B3GALT1: variants seen among roughly 807,000 people sequenced by gnomAD.
B3GALT1 encodes beta-1,3-galactosyltransferase 1.
In B3GALT1, 10 loss-of-function variants were observed where a neutral mutation model predicts 23.2. The observed-to-expected ratio is 0.43, with a 90% CI of 0.27 to 0.73. The LOEUF (loss-of-function observed/expected upper bound fraction) is 0.73, where lower values mean the gene tolerates loss of function less well. Ranked by LOEUF, B3GALT1 falls within the 30% of genes least tolerant of loss-of-function variation. The probability of loss-of-function intolerance (pLI) is 0.21; values close to 1 mark genes in which losing one functional copy is unlikely to be tolerated. For missense variants in B3GALT1, 299 were observed against 405.4 expected (o/e 0.74, Z 2.25); for synonymous variants, 156 against 141.5 (o/e 1.10, Z -0.73).
chr2:167,375,404 G>A (rs970664285), intron 1 of B3GALT1, among the ~76,000 whole-genome samples: 2 of 152,064 alleles, frequency 1.3e-5, no homozygotes, highest in Non-Finnish European at 2.9e-5. Context: ...GATAGGAATA[G>A]CGTTGAATCT....
At chr2:167,585,550 T>C (rs138153010) in intron 2 of B3GALT1, among the ~76,000 whole-genome samples, 301 of 152,302 alleles carry the variant, frequency 2.0e-3, no homozygotes, top group Non-Finnish European at 3.6e-3. Context: ...AAATGACAAA[T>C]CTAAGGATTT....
rs544712736 is a variant in B3GALT1, at chr2:167,505,007, G to A, written c.-410+14730G>A. ...TAAAAGAGAATCAGTGTATAGTTCTGTATGTATTGATATAGAGAGATCTAC... is the reference window on the plus strand; with the variant it reads ...TAAAAGAGAATCAGTGTATAGTTCTATATGTATTGATATAGAGAGATCTAC... On this transcript the variant is annotated intron_variant, in intron 2 of 4. Coordinates refer to ENST00000392690, the MANE Select transcript of B3GALT1 (RefSeq NM_020981.4). Among the ~76,000 whole-genome samples, 4 of 151,628 alleles carry A rather than the reference G, an allele frequency of 2.6e-5. No homozygotes were observed. In the South Asian group the frequency reaches 8.3e-4, roughly 32 times the overall value.
chr2:167,734,149 A>G (rs1439259138), intron 3 of B3GALT1, among the ~76,000 whole-genome samples: 2 of 152,206 alleles, frequency 1.3e-5, no homozygotes, highest in East Asian at 1.9e-4. Context: ...TTACAGGTCT[A>G]TAAAAAATAT....
At chr2:167,639,982 T>C (rs1423337526) in intron 2 of B3GALT1, among the ~76,000 whole-genome samples, 1 of 152,086 alleles carries the variant, frequency 6.6e-6, no homozygotes, top group South Asian at 2.1e-4. Context: ...TAATTTGAGA[T>C]GCTAAGAAAA....
At chr2:167,463,020 G>A (rs1699287633) in intron 1 of B3GALT1, among the ~76,000 whole-genome samples, 1 of 151,948 alleles carries the variant, frequency 6.6e-6, no homozygotes, top group East Asian at 1.9e-4. Flanking sequence ...AATGAAATTT[G>A]GTTTCTACTT....
At chr2:167,520,794 A>G (rs558884951) in intron 2 of B3GALT1, among the ~76,000 whole-genome samples, 8 of 152,154 alleles carry the variant, frequency 5.3e-5, no homozygotes, top group Non-Finnish European at 8.8e-5. Flanking sequence ...TTCCGTTGAA[A>G]TCTCTGCTCA....
At chr2:167,856,923 A>G (rs1305070278) in intron 4 of B3GALT1, among the ~76,000 whole-genome samples, 1 of 152,212 alleles carries the variant, frequency 6.6e-6, no homozygotes, top group Admixed American at 6.5e-5. Flanking sequence ...TGGAGAGACT[A>G]AAAACACAGA....
intron 3 of B3GALT1, among the ~76,000 whole-genome samples, chr2:167,758,672 T>C (rs1687855882): frequency 1.3e-5 from 2 of 152,130 alleles, no homozygotes; most frequent in Non-Finnish European, 2.9e-5. Flanking sequence ...GCATTTTTTT[T>C]TCCCTATGAA....
chr2:167,642,001 C>T (rs796269918), intron 2 of B3GALT1, among the ~76,000 whole-genome samples: 1 of 152,284 alleles, frequency 6.6e-6, no homozygotes. Context: ...TTGACTCTTT[C>T]TCCAGAGGTT....
At chr2:167,454,213 G>A (rs112218243) in intron 1 of B3GALT1, among the ~76,000 whole-genome samples, 130 of 151,842 alleles carry the variant, frequency 8.6e-4, no homozygotes, top group South Asian at 3.9e-3. Flanking sequence ...GTGTGTGTGC[G>A]CACGCGCGCG....
intron 2 of B3GALT1, among the ~76,000 whole-genome samples, chr2:167,492,610 C>A (rs963289227): frequency 3.9e-5 from 6 of 152,172 alleles, no homozygotes; most frequent in Non-Finnish European, 7.4e-5. Context: ...AAAGAACCTT[C>A]CTGTTGCTTC....
intron 1 of B3GALT1, among the ~76,000 whole-genome samples, chr2:167,302,339 AT>A (rs1696463278): frequency 6.6e-6 from 1 of 152,178 alleles, no homozygotes; most frequent in Non-Finnish European, 1.5e-5. Flanking sequence ...CATTAAAAAA[AT>A]CTATACTAAA....
chr2:167,658,312 A>G (rs946615542), intron 3 of B3GALT1, among the ~76,000 whole-genome samples: 23 of 152,114 alleles, frequency 1.5e-4, no homozygotes, highest in Non-Finnish European at 3.2e-4. Context: ...ATGGCTTGTT[A>G]GATGCTGGTA....
At chr2:167,833,767 C>A (rs1002585621) in intron 4 of B3GALT1, among the ~76,000 whole-genome samples, 2 of 152,086 alleles carry the variant, frequency 1.3e-5, no homozygotes, top group African/African-American at 4.8e-5. Flanking sequence ...CTATTCTATC[C>A]ATGAAAAAAT....
chr2:167,594,191 G>A lies in B3GALT1; in HGVS notation c.-409-52718G>A, dbSNP rs183233621. Among the ~76,000 whole-genome samples, 16 of 152,308 alleles carry A rather than the reference G, an allele frequency of 1.1e-4. No homozygotes were observed. In the South Asian group the frequency reaches 1.9e-3, roughly 18 times the overall value. On this transcript the variant is annotated intron_variant, in intron 2 of 4. Coordinates refer to ENST00000392690, the MANE Select transcript of B3GALT1 (RefSeq NM_020981.4). ...AGGTAGTTTTGCTGTGGGAGGCTACGTAGTGTAGATGTCAAAGTCACAGAC... is the reference window on the plus strand; with the variant it reads ...AGGTAGTTTTGCTGTGGGAGGCTACATAGTGTAGATGTCAAAGTCACAGAC...
chr2:167,663,173 T>C (rs1686101346), intron 3 of B3GALT1, among the ~76,000 whole-genome samples: 1 of 140,638 alleles, frequency 7.1e-6, no homozygotes, highest in Non-Finnish European at 1.5e-5. Context: ...TGTGTTCTCA[T>C]TGTTCAATTC....
chr2:167,573,384 G>T (rs1684331067), intron 2 of B3GALT1, among the ~76,000 whole-genome samples: 1 of 151,770 alleles, frequency 6.6e-6, no homozygotes. Context: ...AGAGATGACA[G>T]CAAATGTGAT....
chr2:167,604,562 T>C (rs1406846122), intron 2 of B3GALT1, among the ~76,000 whole-genome samples: 1 of 152,180 alleles, frequency 6.6e-6, no homozygotes, highest in African/African-American at 2.4e-5. Context: ...CCACACTGGG[T>C]GTAGCAACAA....
At chr2:167,475,594 T>C (rs1699474719) in intron 1 of B3GALT1, among the ~76,000 whole-genome samples, 1 of 152,144 alleles carries the variant, frequency 6.6e-6, no homozygotes, top group African/African-American at 2.4e-5. Flanking sequence ...ACAGCCACAG[T>C]GCCTGATAAG....
Sources: allele counts gnomAD v4.1 joint callset (sites outside exome capture counted in the v4.1 genomes callset), GRCh38; gene constraint gnomAD v4.1.1; transcripts MANE v1.5; gene names NCBI Gene and HGNC (gene_info 2026-07-23, HGNC 2026-07-21).